Variants in ATXN2 observed in about 807,000 individuals in gnomAD.
ATXN2 encodes the protein ataxin 2, also known as ataxin-2.
In ATXN2, 37 loss-of-function variants were observed where a neutral mutation model predicts 138.6. That is an observed-to-expected ratio of 0.27 (90% CI 0.21 to 0.35). The LOEUF (loss-of-function observed/expected upper bound fraction) is 0.35. Among genes scored for constraint, ATXN2 ranks in the 10% least tolerant of loss-of-function variants. ATXN2 has a pLI of 1.00. For synonymous variants in ATXN2, 549 were observed against 543.7 expected (o/e 1.01, Z -0.13); for missense variants, 1,216 against 1,480.3 (o/e 0.82, Z 2.93).
chr12:111,563,444 CTTA>C (rs1339415236), intron 1 of ATXN2, among the ~76,000 whole-genome samples: 1 of 151,990 alleles, frequency 6.6e-6, no homozygotes, highest in Non-Finnish European at 1.5e-5. Flanking sequence ...TATTAATTTC[CTTA>C]TTTTGACAAC....
chr12:111,457,582 A>G (rs1875206884), intron 21 of ATXN2: 1 of 420,912 alleles, frequency 2.4e-6, no homozygotes, highest in East Asian at 3.9e-5. Context: ...AGCTCTACAT[A>G]TGATATTAAA....
chr12:111,469,237 C>T (rs1876240019), intron 20 of ATXN2: 1 of 151,748 alleles, frequency 6.6e-6, no homozygotes, highest in South Asian at 2.1e-4. Context: ...AATAGGAAAA[C>T]TAAACGACAC....
chr12:111,513,196 T>C (rs898503224), intron 11 of ATXN2, 161 bp downstream of exon 11: 2 of 750,376 alleles, frequency 2.7e-6, no homozygotes, highest in Non-Finnish European at 4.1e-6. Flanking sequence ...GAATAAGTGG[T>C]AGAGCCCAGA....
intron 6 of ATXN2, 44 bp downstream of exon 6, chr12:111,525,134 AAGTGACAGGATGTC>A: frequency 6.5e-7 from 1 of 1,535,234 alleles, no homozygotes; most frequent in South Asian, 1.3e-5. Context: ...AATTACAACC[AAGTGACAGGATGTC>A]ATACTGACCA....
intron 1 of ATXN2, among the ~76,000 whole-genome samples, chr12:111,566,789 A>G (rs1027514667): frequency 6.6e-6 from 1 of 152,072 alleles, no homozygotes; most frequent in Non-Finnish European, 1.5e-5. Flanking sequence ...GGCGCCCGCC[A>G]CCACATCCCC....
At position 111,465,538 on chromosome 12, in the gene ATXN2, T is replaced by C. The variant is rs528768294; in HGVS notation, c.2843-823A>G. 2.7e-5 allele frequency among the ~76,000 whole-genome samples: 4 copies of C among 149,294 alleles called. No individual in the cohort carries two copies. In the East Asian group the frequency reaches 6.0e-4, roughly 23 times the overall value. On this transcript the variant is annotated intron_variant, in intron 20 of 24. Transcript: ENST00000673436. ...TGTAATCCCAGCACTTTGGGAGGCC[T>C]AGGCAGACAAATCACAAGGTCAGAA... is the stretch of plus-strand genomic sequence containing the variant.
intron 1 of ATXN2, among the ~76,000 whole-genome samples, chr12:111,592,037 G>C (rs1051296669): frequency 6.1e-5 from 9 of 148,176 alleles, no homozygotes; most frequent in African/African-American, 2.3e-4. Context: ...AGCTGAGATT[G>C]CACCACTGCA....
At chr12:111,515,012 T>G (rs1183715858) in intron 10 of ATXN2, among the ~76,000 whole-genome samples, 1 of 152,166 alleles carries the variant, frequency 6.6e-6, no homozygotes, top group Non-Finnish European at 1.5e-5. Context: ...CATCGCTTAC[T>G]CAAATGATGG....
chr12:111,525,662 A>C (rs1287850126), intron 5 of ATXN2, among the ~76,000 whole-genome samples: 2 of 151,412 alleles, frequency 1.3e-5, no homozygotes, highest in African/African-American at 4.9e-5. Flanking sequence ...TTTTCTTTTC[A>C]TATAATTTTA....
chr12:111,592,342 G>A (rs1342669129), intron 1 of ATXN2, among the ~76,000 whole-genome samples: 4 of 151,890 alleles, frequency 2.6e-5, no homozygotes, highest in Non-Finnish European at 5.9e-5. Flanking sequence ...AGTGAGCCAA[G>A]ATCACGCCAC....
intron 1 of ATXN2, among the ~76,000 whole-genome samples, chr12:111,562,630 G>A (rs1882759171): frequency 6.9e-6 from 1 of 145,758 alleles, no homozygotes; most frequent in African/African-American, 2.5e-5. Context: ...TGACGCAGGA[G>A]AACTGCTTGA....
rs1391039424 is a variant in ATXN2 at position 111,598,866 on chromosome 12, A to T, written c.169T>A (p.Ser57Thr). The change falls in exon 1 of 25, where the codon TCC becomes ACC. Residue 57 changes from serine to threonine, a missense_variant. By Grantham distance (58) the Ser-to-Thr change is moderately conservative. Transcript: ENST00000673436. The surrounding 1 kb of genome is among the most constrained non-coding windows in gnomAD (Gnocchi z 4.5). ...GTGGCCGAGGACGAGGAGACCGAGG[A>T]CGAGGACGGCGAAGGCGCGGCGGCG... Reference protein sequence around the residue: ...SPAAAPSPSSSSVSSSSATAP... With the variant: ...SPAAAPSPSSTSVSSSSATAP... The T allele has an allele frequency of 6.7e-7, 1 of 1,489,888 alleles. No individual in the cohort carries two copies. Among genetic ancestry groups the T allele is most frequent in the South Asian group, 1.2e-5 (1 of 80,110 alleles). The allele number at this position is 1,489,888 out of a possible 1,614,324, so 92.3% of individuals were successfully genotyped here.
At position 111,598,953 on chromosome 12, in the gene ATXN2, GCT is replaced by G. The variant is rs1491358296; in HGVS notation, c.80_81del (p.Gln27ProfsTer62). ...ACATTGGCAGCCGCGGGCGGCGGCT[GCT>G]GCTGCTGCTGCTGCTGCTGCTGTTG... ...QQQQQQQQQQ[Q>X]QPPPAAANVR... On this transcript the variant is annotated frameshift_variant, in exon 1 of 25. Transcript: ENST00000673436. LOFTEE classifies it high-confidence loss of function. This position sits in a 1 kb window ranked among gnomAD's most constrained non-coding sequence, Gnocchi z 4.5. 1.5e-4 allele frequency: 81 copies of G among 552,684 alleles called. No homozygotes were observed. Among genetic ancestry groups the G allele is most frequent in the Middle Eastern group, 5.5e-4 (1 of 1,820 alleles). 34.2% of individuals were successfully genotyped at this position (552,684 alleles called of 1,614,324 possible).
rs59366504 is a variant in ATXN2, at chr12:111,501,894, C to CTT, written c.1935+7653_1935+7654dup. Among the ~76,000 whole-genome samples, 158 of 144,038 alleles carry CTT rather than the reference C, an allele frequency of 1.1e-3. 1 individual carries two copies. Among genetic ancestry groups the CTT allele is most frequent in the African/African-American group, 3.5e-3 (137 of 39,522 alleles). The allele number at this position is 144,038 out of a possible 152,430, so 94.5% of individuals were successfully genotyped here. A position where few individuals can be genotyped will look rare whatever the true frequency, so the allele number is the denominator to read the frequency against. On this transcript the variant is annotated intron_variant, in intron 14 of 24. Transcript: ENST00000673436. ...TGCATTTCTTACTATGGGTTGGACACTTTTTTTTTTTTTTCCAAACAGGGT... is the reference window on the plus strand; with the variant it reads ...TGCATTTCTTACTATGGGTTGGACACTTTTTTTTTTTTTTTTCCAAACAGGGT...
At chr12:111,478,338 G>A (rs1424856934) in intron 18 of ATXN2, among the ~76,000 whole-genome samples, 5 of 152,040 alleles carry the variant, frequency 3.3e-5, no homozygotes, top group Non-Finnish European at 5.9e-5. Flanking sequence ...CCTGGGAGGC[G>A]GAGGTTGCAG....
In ATXN2 at chr12:111,552,509, A is replaced by G; in HGVS notation, c.421-79T>C. 1 of 1,452,380 alleles carries G rather than the reference A, an allele frequency of 6.9e-7. No individual in the cohort carries two copies. The highest frequency in any genetic ancestry group is 9.2e-7 in the Non-Finnish European group (1 of 1,084,688). 90.0% of individuals were successfully genotyped at this position (1,452,380 alleles called of 1,614,324 possible). ...TAGGAATTCTTTAGCTCATCAAGGTACCAGTTCTTATATGCCTTTGACAAA... is the reference window on the plus strand; with the variant it reads ...TAGGAATTCTTTAGCTCATCAAGGTGCCAGTTCTTATATGCCTTTGACAAA... On this transcript the variant is annotated intron_variant, in intron 4 of 24. Transcript: ENST00000673436. The surrounding 1 kb of genome is among the most constrained non-coding windows in gnomAD (Gnocchi z 4.1).
intron 1 of ATXN2, among the ~76,000 whole-genome samples, chr12:111,583,039 C>T (rs924129490): frequency 7.2e-6 from 1 of 138,290 alleles, no homozygotes; most frequent in South Asian, 2.3e-4. Context: ...GTCGCCCAGG[C>T]TGGAGTGCAG....
intron 1 of ATXN2, among the ~76,000 whole-genome samples, chr12:111,577,032 C>T (rs1263831138): frequency 6.6e-6 from 1 of 151,762 alleles, no homozygotes; most frequent in Admixed American, 6.6e-5. Context: ...GTCTCGAACT[C>T]CTGACCTCAG....
At chr12:111,460,234 GCTAA>G (rs1396246553) in intron 21 of ATXN2, among the ~76,000 whole-genome samples, 1 of 151,432 alleles carries the variant, frequency 6.6e-6, no homozygotes, top group Non-Finnish European at 1.5e-5. Flanking sequence ...GGCGCGCCTG[GCTAA>G]CTTTTTTGTA....
Sources: allele counts gnomAD v4.1 joint callset (sites outside exome capture counted in the v4.1 genomes callset), GRCh38; gene constraint gnomAD v4.1.1; non-coding constraint Gnocchi (gnomAD v3.1); transcripts MANE v1.5; gene names NCBI Gene and HGNC (gene_info 2026-07-23, HGNC 2026-07-21).